UGT1A10: variants seen among roughly 807,000 people sequenced by gnomAD.
The protein encoded by UGT1A10 is UDP glucuronosyltransferase family 1 member A10, also known as UDP-glucuronosyltransferase 1A10.
In UGT1A10, 49 loss-of-function variants were observed where a neutral mutation model predicts 45.8. The ratio of observed to expected loss-of-function variants is 1.07; its 90% confidence interval spans 0.85 to 1.36. The LOEUF is 1.36. UGT1A10 is among the 40% of genes most tolerant of loss of function. The pLI, the probability that UGT1A10 is intolerant of heterozygous loss-of-function variation, is 0.00. For synonymous variants in UGT1A10, 284 were observed against 249.7 expected (o/e 1.14, Z -1.29); for missense variants, 745 against 668.6 (o/e 1.11, Z -1.26).
intron 1 of UGT1A10, among the ~76,000 whole-genome samples, chr2:233,659,259 C>T (rs190505085): frequency 5.6e-4 from 86 of 152,228 alleles, no homozygotes; most frequent in African/African-American, 2.0e-3. Context: ...GGGATACCAA[C>T]CTCGCAGGTA....
chr2:233,669,310 C>T (rs867853463), intron 1 of UGT1A10, among the ~76,000 whole-genome samples: 1 of 151,350 alleles, frequency 6.6e-6, no homozygotes, highest in Non-Finnish European at 1.5e-5. Context: ...TTTTACATTT[C>T]CCTATGAATT....
intron 1 of UGT1A10, among the ~76,000 whole-genome samples, chr2:233,732,631 T>C (rs1341811470): frequency 6.6e-6 from 1 of 152,240 alleles, no homozygotes; most frequent in Non-Finnish European, 1.5e-5. Context: ...TGTGGTGTTA[T>C]TTCTGAGACC....
At chr2:233,757,533 GGAA>G in intron 1 of UGT1A10, among the ~76,000 whole-genome samples, 1 of 52,410 alleles carries the variant, frequency 1.9e-5, no homozygotes, top group African/African-American at 1.3e-4. Context: ...TTGCCTGTAA[GGAA>G]TATATATATA....
At chr2:233,676,838 T>G (rs776513822) in intron 1 of UGT1A10, among the ~76,000 whole-genome samples, 4 of 152,304 alleles carry the variant, frequency 2.6e-5, no homozygotes, top group Admixed American at 6.5e-5. Context: ...ACAGAACCTT[T>G]TCTCCACTGC....
At chr2:233,770,346 C>T (rs1357381259) in intron 4 of UGT1A10, 2 of 152,134 alleles carry the variant, frequency 1.3e-5, no homozygotes, top group African/African-American at 4.8e-5. Flanking sequence ...TGCTCAATTA[C>T]TATTGAATGA....
chr2:233,729,371 T>C, intron 1 of UGT1A10: 2 of 1,614,096 alleles, frequency 1.2e-6, no homozygotes, highest in Non-Finnish European at 8.5e-7. Flanking sequence ...ACCTATGCCA[T>C]TTCGTGGACC....
chr2:233,693,625 A>G (rs1366188345), intron 1 of UGT1A10: 1 of 1,614,140 alleles, frequency 6.2e-7, no homozygotes, highest in East Asian at 2.2e-5. Flanking sequence ...CTTTTTCCCA[A>G]CGAGTGGCCA....
intron 1 of UGT1A10, among the ~76,000 whole-genome samples, chr2:233,650,092 T>C (rs958289025): frequency 3.3e-5 from 5 of 152,134 alleles, no homozygotes; most frequent in African/African-American, 1.2e-4. Context: ...TGCCTCAGCC[T>C]CCTGAGTAGC....
intron 1 of UGT1A10, among the ~76,000 whole-genome samples, chr2:233,717,005 G>A (rs2125651164): frequency 6.6e-6 from 1 of 152,262 alleles, no homozygotes; most frequent in South Asian, 2.1e-4. Context: ...GGGCCCCTAT[G>A]TCTCTGAAGG....
intron 1 of UGT1A10, among the ~76,000 whole-genome samples, chr2:233,712,817 A>G (rs1326884694): frequency 6.6e-6 from 1 of 152,256 alleles, no homozygotes; most frequent in Non-Finnish European, 1.5e-5. Context: ...GGTGGGGCCC[A>G]TAATGCAAGA....
chr2:233,762,007 A>G (rs1297893749), intron 1 of UGT1A10, among the ~76,000 whole-genome samples: 1 of 152,144 alleles, frequency 6.6e-6, no homozygotes, highest in African/African-American at 2.4e-5. Flanking sequence ...CTATACCTCC[A>G]ATGTGATTTG....
At chr2:233,740,004 G>A (rs1691279372) in intron 1 of UGT1A10, among the ~76,000 whole-genome samples, 1 of 151,810 alleles carries the variant, frequency 6.6e-6, no homozygotes, top group African/African-American at 2.4e-5. Context: ...GTCATACTAA[G>A]TGAGTTCTCA....
intron 1 of UGT1A10, among the ~76,000 whole-genome samples, chr2:233,654,425 C>T (rs540710109): frequency 2.0e-5 from 3 of 152,242 alleles, no homozygotes; most frequent in Non-Finnish European, 2.9e-5. Flanking sequence ...CTGTACTAAT[C>T]GTAGATATAT....
intron 1 of UGT1A10, among the ~76,000 whole-genome samples, chr2:233,717,585 G>A (rs1198463102): frequency 2.6e-5 from 4 of 152,254 alleles, no homozygotes; most frequent in Admixed American, 6.5e-5. Context: ...AGACACAGAG[G>A]TAGTGAGATG....
intron 1 of UGT1A10, chr2:233,743,832 T>TG (rs1692537259): frequency 7.3e-7 from 1 of 1,367,134 alleles, no homozygotes; most frequent in South Asian, 1.1e-5. Flanking sequence ...GGGTGCCACT[T>TG]GAGCGCCAGC....
chr2:233,697,173 G>A (rs981412328), intron 1 of UGT1A10, among the ~76,000 whole-genome samples: 1 of 152,010 alleles, frequency 6.6e-6, no homozygotes, highest in Non-Finnish European at 1.5e-5. Context: ...TTTTAAAAAT[G>A]GTTGGTAGAA....
intron 1 of UGT1A10, chr2:233,740,859 A>C (rs1179342634): frequency 6.6e-6 from 1 of 151,860 alleles, no homozygotes; most frequent in Non-Finnish European, 1.5e-5. Context: ...AATTCTAAAA[A>C]TTCTTTAAAT....
chr2:233,687,016 G>A (rs1005140519), intron 1 of UGT1A10, among the ~76,000 whole-genome samples: 1 of 152,156 alleles, frequency 6.6e-6, no homozygotes, highest in Non-Finnish European at 1.5e-5. Flanking sequence ...AGGACTTTAG[G>A]AGGTGGTTCA....
intron 1 of UGT1A10, among the ~76,000 whole-genome samples, chr2:233,669,639 C>A (rs1434999897): frequency 1.3e-5 from 2 of 152,088 alleles, no homozygotes; most frequent in African/African-American, 4.8e-5. Flanking sequence ...GAGGTACCAA[C>A]CCCCGAGCAG....
Sources: allele counts gnomAD v4.1 joint callset (sites outside exome capture counted in the v4.1 genomes callset), GRCh38; gene constraint gnomAD v4.1.1; transcripts MANE v1.5; gene names NCBI Gene and HGNC (gene_info 2026-07-23, HGNC 2026-07-21).